The following PHF20 variants were observed in gnomAD, a reference collection of about 807,000 sequenced individuals.
PHF20 encodes the protein PHD finger protein 20.
PHF20 carries 23 observed loss-of-function variants against 113.5 expected under a neutral mutation model. That is an observed-to-expected ratio of 0.20 (90% CI 0.15 to 0.29). The LOEUF (loss-of-function observed/expected upper bound fraction) is 0.29, where lower values mean the gene tolerates loss of function less well. PHF20 is among the 10% of genes least tolerant of loss of function. The pLI is 1.00. For synonymous variants in PHF20, 434 were observed against 457.3 expected (o/e 0.95, Z 0.65); for missense variants, 943 against 1,219.6 (o/e 0.77, Z 3.38).
chr20:35,783,237 A>C (rs745487443), intron 1 of PHF20, among the ~76,000 whole-genome samples: 1 of 152,166 alleles, frequency 6.6e-6, no homozygotes, highest in Non-Finnish European at 1.5e-5. Flanking sequence ...AACATAGTTT[A>C]TAGAGTTTTC....
At chr20:35,812,505 A>G (rs1478528378) in intron 2 of PHF20, among the ~76,000 whole-genome samples, 1 of 152,188 alleles carries the variant, frequency 6.6e-6, no homozygotes, top group Non-Finnish European at 1.5e-5. Flanking sequence ...AATGTCCCAC[A>G]TTCTGGTTTA....
chr20:35,903,384 T>C (rs1010084090), intron 10 of PHF20, among the ~76,000 whole-genome samples: 1 of 152,220 alleles, frequency 6.6e-6, no homozygotes, highest in African/African-American at 2.4e-5. Flanking sequence ...TATGTTTTAA[T>C]TTGTTTAAAG....
At chr20:35,904,276 GATT>G (rs2055157386) in intron 10 of PHF20, among the ~76,000 whole-genome samples, 1 of 128,260 alleles carries the variant, frequency 7.8e-6, no homozygotes, top group African/African-American at 3.2e-5. Flanking sequence ...TGAATGCTCT[GATT>G]TTTTTTTTTT....
intron 9 of PHF20, among the ~76,000 whole-genome samples, chr20:35,895,877 G>C (rs1406291473): frequency 6.6e-6 from 1 of 151,596 alleles, no homozygotes; most frequent in Non-Finnish European, 1.5e-5. Flanking sequence ...AGTGGAAATG[G>C]GGTTTCACCA....
chr20:35,776,184 A>G (rs796756119), intron 1 of PHF20, among the ~76,000 whole-genome samples: 51 of 152,338 alleles, frequency 3.3e-4, no homozygotes, highest in African/African-American at 1.2e-3. Context: ...ATTCTAATAA[A>G]TACTGCATAG....
chr20:35,868,075 C>T (rs2146983393), intron 6 of PHF20, among the ~76,000 whole-genome samples: 1 of 152,156 alleles, frequency 6.6e-6, no homozygotes, highest in African/African-American at 2.4e-5. Flanking sequence ...AGGCAGATCA[C>T]CTGAGGTCAG....
chr20:35,890,890 A>G (rs2054836350), intron 9 of PHF20, among the ~76,000 whole-genome samples: 1 of 152,122 alleles, frequency 6.6e-6, no homozygotes, highest in Non-Finnish European at 1.5e-5. Flanking sequence ...TCAAAAACAA[A>G]ACAAACAACA....
At position 35,842,639 on chromosome 20, in the gene PHF20, G is replaced by C; in HGVS notation, c.150G>C (p.Trp50Cys). 1 of 1,613,970 alleles carries C rather than the reference G, an allele frequency of 6.2e-7. No individual in the cohort carries two copies. Among genetic ancestry groups the C allele is most frequent in the Non-Finnish European group, 8.5e-7 (1 of 1,179,884 alleles). ...EGKVLIHFKRWNHRYDEWFCW... is the reference protein window; with the variant it reads ...EGKVLIHFKRCNHRYDEWFCW... The stretch of plus-strand genomic sequence containing the variant: ...AAGTACTCATCCATTTCAAGCGTTG[G>C]AACCATCGTTATGATGAGTGGTTCT... Residue 50 changes from tryptophan (W) to cysteine (C), a missense_variant, in exon 3 of 18, where the codon TGG (tryptophan) becomes TGC (cysteine). This residue lies in a region of PHF20 where 592 missense variants were observed against 787.2 expected (regional missense o/e 0.75). Coordinates refer to ENST00000374012, the MANE Select transcript of PHF20 (RefSeq NM_016436.5).
At chr20:35,893,682 G>A (rs796911306) in intron 9 of PHF20, among the ~76,000 whole-genome samples, 49 of 151,346 alleles carry the variant, frequency 3.2e-4, no homozygotes, top group African/African-American at 1.1e-3. Context: ...TGGTGTGATC[G>A]CAGCTCATTT....
Position 35,871,011 on chromosome 20 carries a change from C to T in PHF20, c.979C>T (p.Arg327Cys), listed in dbSNP as rs368610578. Residue 327 changes from arginine to cysteine, a missense_variant, in exon 8 of 18, where the codon CGT becomes TGT. Arg to Cys is a radical substitution (Grantham distance 180). Transcript: ENST00000374012. ...ENTDKDLSRR[R>C]SSRLSTNGTH... Reference sequence around the variant, plus strand: ...CACTGACAAAGACTTATCGAGGAGACGTTCCTCCAGGCTGTCCACTAATGG... The same window carrying T: ...CACTGACAAAGACTTATCGAGGAGATGTTCCTCCAGGCTGTCCACTAATGG... 19 of 1,610,448 alleles carry T rather than the reference C, an allele frequency of 1.2e-5. No homozygotes were observed. Among genetic ancestry groups the T allele is most frequent in the South Asian group, 3.3e-5 (3 of 90,186 alleles).
rs781447297 is a variant in PHF20, at chr20:35,940,857, TC to T, written c.2713-3del. The T allele has an allele frequency of 2.5e-6, 4 of 1,608,528 alleles. No homozygotes were observed. Among genetic ancestry groups the T allele is most frequent in the Non-Finnish European group, 3.4e-6 (4 of 1,177,540 alleles). The stretch of plus-strand genomic sequence containing the variant: ...ATTCAGTAATTTCCATGCCATTGCA[TC>T]CCCAGGTGAAGGAATATGTCTCCAA... On this transcript the variant is annotated splice_polypyrimidine_tract_variant and splice_region_variant and intron_variant, in intron 16 of 17. Transcript: ENST00000374012.
intron 12 of PHF20, among the ~76,000 whole-genome samples, chr20:35,914,997 T>TATATAC (rs1257282426): frequency 1.4e-5 from 2 of 147,068 alleles, no homozygotes; most frequent in African/African-American, 2.5e-5. Flanking sequence ...ATATGTTATA[T>TATATAC]ATATACATAT....
At chr20:35,947,380 C>G in intron 17 of PHF20, 105 bp from the exon 18 acceptor site, 1 of 1,244,276 alleles carries the variant, frequency 8.0e-7, no homozygotes, top group Non-Finnish European at 1.1e-6. Flanking sequence ...GCCCTTCCTC[C>G]CTTGCCCCAT....
chr20:35,796,751 G>C (rs2146856665), intron 1 of PHF20, among the ~76,000 whole-genome samples: 1 of 152,286 alleles, frequency 6.6e-6, no homozygotes, highest in South Asian at 2.1e-4. Flanking sequence ...TTTGGTCAGA[G>C]AAAGAGGAAG....
At chr20:35,859,055 G>A (rs919492918) in intron 5 of PHF20, among the ~76,000 whole-genome samples, 8 of 152,204 alleles carry the variant, frequency 5.3e-5, no homozygotes, top group Non-Finnish European at 1.2e-4. Context: ...GAGACCTCCA[G>A]TATGTTTTCT....
At chr20:35,875,783 T>C (rs17093205) in intron 9 of PHF20, among the ~76,000 whole-genome samples, 7,386 of 152,212 alleles carry the variant, frequency 0.049, 230 homozygotes, top group African/African-American at 0.099. Context: ...TTGAAATTTG[T>C]AGTTAATTGT....
intron 4 of PHF20, among the ~76,000 whole-genome samples, chr20:35,850,261 C>T (rs6060639): frequency 0.095 from 13,855 of 145,694 alleles, 720 homozygotes; most frequent in Middle Eastern, 0.16. Context: ...GAGCTGACCT[C>T]ACCTCTTTGC....
intron 3 of PHF20, 63 bp downstream of exon 3, chr20:35,842,807 C>A (rs1310994560): frequency 6.9e-7 from 1 of 1,446,706 alleles, no homozygotes; most frequent in South Asian, 1.2e-5. Context: ...GTTTGTGTTT[C>A]AATCTTTGAT....
intron 10 of PHF20, among the ~76,000 whole-genome samples, chr20:35,901,547 G>A (rs2055097913): frequency 6.6e-6 from 1 of 151,664 alleles, no homozygotes; most frequent in South Asian, 2.1e-4. Flanking sequence ...GAATGTAATT[G>A]AGAGGATTTT....
Sources: gnomAD v4.1 joint callset for allele counts (sites outside exome capture counted in the v4.1 genomes callset) on GRCh38, gnomAD v4.1.1 for gene constraint, gnomAD v4.1.1 regional missense constraint, MANE v1.5 for transcripts, NCBI Gene and HGNC (gene_info 2026-07-23, HGNC 2026-07-21) for gene names.